MIB2: variants seen among roughly 807,000 people sequenced by gnomAD.
MIB2 encodes the protein E3 ubiquitin-protein ligase MIB2.
A neutral mutation model predicts 96.6 loss-of-function variants in MIB2; 78 were observed. The observed-to-expected ratio is 0.81, with a 90% CI of 0.67 to 0.97. The LOEUF (loss-of-function observed/expected upper bound fraction) is 0.97, where lower values mean the gene tolerates loss of function less well. Ranked by LOEUF, MIB2 falls within the 50% of genes least tolerant of loss-of-function variation. The probability of loss-of-function intolerance (pLI) is 0.00; values close to 1 mark genes in which losing one functional copy is unlikely to be tolerated. For synonymous variants in MIB2, 820 were observed against 629.5 expected (o/e 1.30, Z -4.53); for missense variants, 1,543 against 1,424.0 (o/e 1.08, Z -1.35).
At chr1:1,617,747 G>A (rs1052016968) in intron 2 of MIB2, 15 of 152,154 alleles carry the variant, frequency 9.9e-5, no homozygotes, top group African/African-American at 2.9e-4. Flanking sequence ...CACATCTGTC[G>A]ATCTGTCGCC....
Position 1,629,261 on chromosome 1 carries a change from C to T in MIB2, c.2331C>T (p.Ala777=), listed in dbSNP as rs370875679. 1,050 of 1,543,332 alleles carry T rather than the reference C, an allele frequency of 6.8e-4. 4 individuals carry two copies. In the African/African-American group the frequency reaches 0.011, roughly 16 times the overall value. Residue 777 remains alanine (A), a synonymous_variant, in exon 17 of 20, where the codon GCC becomes GCT. Transcript: ENST00000355826. ...GCGGTCGGAGCCCGCTGGACCTGGCCGCCGAGGGTCGCGTGCTCAAGGCCC... is the reference window on the plus strand; with the variant it reads ...GCGGTCGGAGCCCGCTGGACCTGGCTGCCGAGGGTCGCGTGCTCAAGGCCC... ...NHRGRSPLDL[A]AEGRVLKALQ... is the part of the protein sequence containing the mutation.
In MIB2 at chr1:1,627,751, A is replaced by G; in HGVS notation, c.1602A>G (p.Ala534=). The part of the protein sequence containing the change: ...ADAINSTQST[A]LHVAVQRGFL... ...CCATCAACAGCACCCAGAGCACAGC[A>G]CTGCACGTGGCCGTGCAGAGGGGCT... Residue 534 remains alanine, a synonymous_variant, in exon 13 of 20, where the codon GCA becomes GCG. Coordinates refer to ENST00000355826, the MANE Select transcript of MIB2 (RefSeq NM_001170687.4). 6.3e-7 allele frequency: 1 copy of G among 1,597,008 alleles called. No individual in the cohort carries two copies. The highest frequency in any genetic ancestry group is 1.3e-5 in the African/African-American group (1 of 74,938).
intron 19 of MIB2, 123 bp from the exon 20 acceptor site, chr1:1,630,169 C>G (rs1228741756): frequency 2.9e-6 from 1 of 339,362 alleles, no homozygotes; most frequent in Non-Finnish European, 5.2e-6. Context: ...CCCGCCAGCC[C>G]CCCTTGCAGG....
chr1:1,621,030 T>C (rs1170038824), intron 2 of MIB2, among the ~76,000 whole-genome samples: 1 of 152,246 alleles, frequency 6.6e-6, no homozygotes, highest in Non-Finnish European at 1.5e-5. Flanking sequence ...GGGCGGGTCC[T>C]CGGGACACAG....
In MIB2 at chr1:1,627,740, C is replaced by T; in HGVS notation, c.1591C>T (p.Gln531Ter). The T allele has an allele frequency of 6.3e-7, 1 of 1,596,368 alleles. No individual in the cohort carries two copies. The highest frequency in any genetic ancestry group is 8.5e-7 in the Non-Finnish European group (1 of 1,178,906). Residue 531 changes from glutamine to a stop codon, truncating the protein, a stop_gained, in exon 13 of 20, where the codon CAG (glutamine) becomes TAG (stop). Transcript: ENST00000355826. LOFTEE classifies it high-confidence loss of function. ...GCRADAINST[Q>*]STALHVAVQR... ...CCGGGCGGACGCCATCAACAGCACC[C>T]AGAGCACAGCACTGCACGTGGCCGT... is the stretch of plus-strand genomic sequence containing the variant.
At chr1:1,619,662 T>A (rs545161227) in intron 2 of MIB2, among the ~76,000 whole-genome samples, 6 of 152,250 alleles carry the variant, frequency 3.9e-5, no homozygotes, top group Admixed American at 3.9e-4. Flanking sequence ...TGTGCTCACA[T>A]CCCAGCCCCC....
chr1:1,616,291 C>T (rs1643663527), intron 1 of MIB2: 1 of 403,588 alleles, frequency 2.5e-6, no homozygotes, highest in Non-Finnish European at 4.0e-6. Flanking sequence ...CGAGCCGCGG[C>T]CGCCAGACCC....
In MIB2 at chr1:1,628,003, G is replaced by T; in HGVS notation, c.1681-16G>T. ...CAGAAGTCACCCCCAGGTGACCACT[G>T]ACTCCGCCCCAGCAGGACGCCCACT... is the stretch of plus-strand genomic sequence containing the variant. On this transcript the variant is annotated splice_polypyrimidine_tract_variant and intron_variant, in intron 13 of 19. Coordinates refer to ENST00000355826, the MANE Select transcript of MIB2 (RefSeq NM_001170687.4). 1 of 1,611,898 alleles carries T rather than the reference G, an allele frequency of 6.2e-7. No individual in the cohort carries two copies. Among genetic ancestry groups the T allele is most frequent in the Non-Finnish European group, 8.5e-7 (1 of 1,179,278 alleles).
Position 1,626,817 on chromosome 1 carries a change from AC to A in MIB2, c.1078-15del, listed in dbSNP as rs746402799. 2.5e-5 allele frequency: 40 copies of A among 1,590,726 alleles called. No homozygotes were observed. Among genetic ancestry groups the A allele is most frequent in the African/African-American group, 5.5e-5 (4 of 72,080 alleles). On this transcript the variant is annotated intron_variant, in intron 9 of 19. Transcript: ENST00000355826. The surrounding 1 kb of genome is among the most constrained non-coding windows in gnomAD (Gnocchi z 5.3). ...CCCCCCACACCTGCAGCCTGCTGTG[AC>A]CCCCTCCCCTCCCCGCAGGCCCTGG...
At chr1:1,619,792 G>A (rs950298143) in intron 2 of MIB2, among the ~76,000 whole-genome samples, 10 of 152,192 alleles carry the variant, frequency 6.6e-5, no homozygotes, top group Non-Finnish European at 1.0e-4. Flanking sequence ...GGCCAGGGAG[G>A]AAGCCCTGCC....
Position 1,626,574 on chromosome 1 carries a change from G to A in MIB2, c.973-76G>A. The A allele has an allele frequency of 7.9e-7, 1 of 1,262,560 alleles. No individual in the cohort carries two copies. The highest frequency in any genetic ancestry group is 2.6e-4 in the Middle Eastern group (1 of 3,848). 78.2% of individuals were successfully genotyped at this position (1,262,560 alleles called of 1,614,324 possible). The stretch of plus-strand genomic sequence containing the variant: ...CCTGCCTGTCTCGTGGAGCTCAGCA[G>A]GTTGCCCTCCTGTTGCATGAGCCTG... On this transcript the variant is annotated intron_variant, in intron 8 of 19. Transcript: ENST00000355826. The surrounding 1 kb of genome is among the most constrained non-coding windows in gnomAD (Gnocchi z 5.3).
chr1:1,630,189 G>T, intron 19 of MIB2, 103 bp from the exon 20 acceptor site: 1 of 34,136 alleles, frequency 2.9e-5, no homozygotes, highest in Admixed American at 7.1e-4. Context: ...GTCACAACCC[G>T]TCCCAGGTGA....
intron 2 of MIB2, chr1:1,616,972 G>C (rs1643790156): frequency 4.0e-6 from 1 of 249,928 alleles, no homozygotes; most frequent in Non-Finnish European, 7.8e-6. Context: ...GGGCAGCCCT[G>C]GGCGGTGAGT....
At chr1:1,621,102 C>G (rs989446440) in intron 2 of MIB2, among the ~76,000 whole-genome samples, 1 of 152,254 alleles carries the variant, frequency 6.6e-6, no homozygotes, top group Non-Finnish European at 1.5e-5. Flanking sequence ...TTCATTCATG[C>G]AGCCATTCAG....
rs1426154569 is a variant in MIB2, at chr1:1,629,512, G to A, written c.2509G>A (p.Glu837Lys). Residue 837 changes from glutamate to lysine, a missense_variant, in exon 18 of 20, where the codon GAG (glutamate) becomes AAG (lysine). By Grantham distance (56) the Glu-to-Lys change is moderately conservative. Transcript: ENST00000355826. ...GGCCGCTGAGTGCCTGGTGTGCTCC[G>A]AGCTGGCGCTGCTGGTGCTGTTCTC... Reference protein sequence around the residue: ...PEAAECLVCSELALLVLFSPC... With the variant: ...PEAAECLVCSKLALLVLFSPC... 14 of 1,537,638 alleles carry A rather than the reference G, an allele frequency of 9.1e-6. No homozygotes were observed. The highest frequency in any genetic ancestry group is 2.0e-5 in the Admixed American group (1 of 50,924).
chr1:1,615,473 T>C, upstream of MIB2: 1 of 1,520,024 alleles, frequency 6.6e-7, no homozygotes, highest in Middle Eastern at 2.3e-4. Context: ...GCGGGGGCGC[T>C]CCGGCGGGGG....
rs534892235 is a variant in MIB2 at position 1,616,846 on chromosome 1, C to T, written c.-23+232C>T. The T allele has an allele frequency of 8.1e-4, 382 of 469,616 alleles. 1 individual carries two copies. Among genetic ancestry groups the T allele is most frequent in the African/African-American group, 6.3e-3 (305 of 48,326 alleles). 29.1% of individuals were successfully genotyped at this position (469,616 alleles called of 1,614,324 possible). A position where few individuals can be genotyped will look rare whatever the true frequency, so the allele number is the denominator to read the frequency against. The stretch of plus-strand genomic sequence containing the variant: ...CTGCAGGATTGGGGCAGAGCGGCCG[C>T]AGCGCAGGAGCGCCGGCAAGCCTGG... On this transcript the variant is annotated intron_variant, in intron 2 of 19. Coordinates refer to ENST00000355826, the MANE Select transcript of MIB2 (RefSeq NM_001170687.4).
In MIB2 at chr1:1,625,121, G is replaced by A. The variant is rs202053540; in HGVS notation, c.657G>A (p.Val219=). 1.5e-3 allele frequency: 2,396 copies of A among 1,613,378 alleles called. 1 individual carries two copies. Among genetic ancestry groups the A allele is most frequent in the Non-Finnish European group, 1.9e-3 (2,258 of 1,179,950 alleles). ...ACCGTGTGGGCCACAAGGGCAAGGT[G>A]GACCTCAAGTGTGTGGGCGAGGCAG... ...NVYRVGHKGK[V]DLKCVGEAAG... is the part of the protein sequence containing the mutation. The change falls in exon 6 of 20, where the codon GTG becomes GTA. Residue 219 remains valine (V), a synonymous_variant. Transcript: ENST00000355826. This position sits in a 1 kb window ranked among gnomAD's most constrained non-coding sequence, Gnocchi z 5.0.
In MIB2 at chr1:1,626,528, C is replaced by T. The variant is rs946820255; in HGVS notation, c.973-122C>T. The T allele has an allele frequency of 2.6e-5, 20 of 778,008 alleles. No homozygotes were observed. Among genetic ancestry groups the T allele is most frequent in the Middle Eastern group, 4.1e-4 (1 of 2,410 alleles). The allele number at this position is 778,008 out of a possible 1,614,324, so 48.2% of individuals were successfully genotyped here. ...CTCTGGCAGTGCCTGGGGTCGGGGT[C>T]GGGGCCGGGGCCGAGTCAGGCCTGC... On this transcript the variant is annotated intron_variant, in intron 8 of 19. Transcript: ENST00000355826. This position sits in a 1 kb window ranked among gnomAD's most constrained non-coding sequence, Gnocchi z 5.3.
Sources: gnomAD v4.1 joint callset for allele counts (sites outside exome capture counted in the v4.1 genomes callset) on GRCh38, gnomAD v4.1.1 for gene constraint, Gnocchi (gnomAD v3.1) non-coding constraint, MANE v1.5 for transcripts, NCBI Gene and HGNC (gene_info 2026-07-23, HGNC 2026-07-21) for gene names.